Variants in CD163L1 observed in about 807,000 individuals in gnomAD.
CD163L1 encodes the protein CD163 molecule like 1.
In CD163L1, 124 loss-of-function variants were observed where a neutral mutation model predicts 165.4. That is an observed-to-expected ratio of 0.75 (90% CI 0.65 to 0.87). The LOEUF is 0.87. Ranked by LOEUF, CD163L1 falls within the 40% of genes least tolerant of loss-of-function variation. The pLI is 0.00. For synonymous variants in CD163L1, 585 were observed against 662.2 expected (o/e 0.88, Z 1.79); for missense variants, 1,525 against 1,799.9 (o/e 0.85, Z 2.76).
chr12:7,374,840 T>A lies in CD163L1; in HGVS notation c.3085A>T (p.Ile1029Phe), dbSNP rs758394280. ...AACTGATTCTGCTTACCTAAGCAGA[T>A]CAAAGCACTGCCCTCTGGAACTGCA... ...LSAVPEGSAL[I>F]CLEDKRLRLV... The change falls in exon 12 of 20, where the codon ATC becomes TTC. Residue 1029 changes from isoleucine to phenylalanine, a missense_variant. Coordinates refer to ENST00000313599, the MANE Select transcript of CD163L1 (RefSeq NM_174941.6). The surrounding 1 kb of genome is among the most constrained non-coding windows in gnomAD (Gnocchi z 5.4). 21 of 1,614,142 alleles carry A rather than the reference T, an allele frequency of 1.3e-5. No homozygotes were observed. Among genetic ancestry groups the A allele is most frequent in the Non-Finnish European group, 1.7e-5 (20 of 1,179,982 alleles).
chr12:7,433,466 T>C lies in CD163L1; in HGVS notation c.353A>G (p.Tyr118Cys), dbSNP rs1419039428. 4.3e-6 allele frequency: 7 copies of C among 1,614,108 alleles called. No homozygotes were observed. The highest frequency in any genetic ancestry group is 5.9e-6 in the Non-Finnish European group (7 of 1,179,974). ...GKIWLDDVSC[Y>C]GNESALWECQ... ...TTCCCAGAGAGCTGACTCATTTCCATAACAGGAAACATCATCAAGCCAAAT... is the reference window on the plus strand; with the variant it reads ...TTCCCAGAGAGCTGACTCATTTCCACAACAGGAAACATCATCAAGCCAAAT... The change falls in exon 3 of 20, where the codon TAT becomes TGT. Residue 118 changes from tyrosine (Y) to cysteine (C), a missense_variant. Transcript: ENST00000313599.
At chr12:7,378,419 A>G (rs1947316417) in intron 9 of CD163L1, among the ~76,000 whole-genome samples, 1 of 152,150 alleles carries the variant, frequency 6.6e-6, no homozygotes. Context: ...CATGCTTACA[A>G]CCTTCAATGA....
chr12:7,392,425 G>A (rs1947676436), intron 8 of CD163L1, among the ~76,000 whole-genome samples: 1 of 152,056 alleles, frequency 6.6e-6, no homozygotes, highest in Admixed American at 6.6e-5. Context: ...ATTTAAAGCA[G>A]TGTGTAGAGG....
chr12:7,320,744 T>C, the CD163L1 span: 1 of 1,613,732 alleles, frequency 6.2e-7, no homozygotes, highest in Non-Finnish European at 8.5e-7. Flanking sequence ...ACTTATCCCA[T>C]CACGACCCTG....
chr12:7,421,434 T>C lies in CD163L1; in HGVS notation c.766+10982A>G, dbSNP rs1342424153. 2.5e-5 allele frequency among the ~76,000 whole-genome samples: 3 copies of C among 119,244 alleles called. No individual in the cohort carries two copies. The South Asian group carries it at 7.9e-4, about 32-fold the overall frequency. 78.2% of individuals were successfully genotyped at this position (119,244 alleles called of 152,430 possible). On this transcript the variant is annotated intron_variant, in intron 4 of 19. Coordinates refer to ENST00000313599, the MANE Select transcript of CD163L1 (RefSeq NM_174941.6). ...AAATGTATATATACATATATGTACA[T>C]ATATACATATACATATATGTACATA...
the CD163L1 span, among the ~76,000 whole-genome samples, chr12:7,337,176 G>A: frequency 1.6e-4 from 25 of 152,284 alleles, no homozygotes; most frequent in Non-Finnish European, 3.5e-4. Flanking sequence ...TCTCAAGATG[G>A]ATTAAAGACT....
the CD163L1 span, among the ~76,000 whole-genome samples, chr12:7,334,136 T>G: frequency 7.3e-5 from 11 of 151,454 alleles, no homozygotes; most frequent in Non-Finnish European, 7.4e-5. Context: ...CCTAACTCAT[T>G]TTATGAGGCC....
Position 7,375,714 on chromosome 12 carries a change from C to A in CD163L1, c.2672G>T (p.Gly891Val), listed in dbSNP as rs762633770. The change falls in exon 10 of 20, where the codon GGA becomes GTA. Residue 891 changes from glycine (G) to valine (V), a missense_variant. Physicochemically the swap from Gly to Val is moderately radical, Grantham distance 109. Coordinates refer to ENST00000313599, the MANE Select transcript of CD163L1 (RefSeq NM_174941.6). Reference sequence around the variant, plus strand: ...AAAAATCTCACGGGAACAGACAACTCCAACTTCTCTGCTGTGGATACAAGT... The same window carrying A: ...AAAAATCTCACGGGAACAGACAACTACAACTTCTCTGCTGTGGATACAAGT... ...EDTCIHSREV[G>V]VVCSRYTDVR... 6.2e-7 allele frequency: 1 copy of A among 1,614,120 alleles called. No individual in the cohort carries two copies. The highest frequency in any genetic ancestry group is 1.1e-5 in the South Asian group (1 of 91,078).
the CD163L1 span, chr12:7,328,807 C>A: frequency 6.5e-6 from 1 of 153,510 alleles, no homozygotes; most frequent in Non-Finnish European, 1.4e-5. Context: ...ATAAATAATT[C>A]AAAAATTAGC....
chr12:7,358,038 A>G (rs1045749156), intron 18 of CD163L1, among the ~76,000 whole-genome samples: 5 of 152,134 alleles, frequency 3.3e-5, no homozygotes, highest in Non-Finnish European at 7.4e-5. Flanking sequence ...TCGCATAACA[A>G]GAAAAAAGGT....
At chr12:7,370,317 CT>C (rs1363232771) in intron 14 of CD163L1, among the ~76,000 whole-genome samples, 1 of 152,154 alleles carries the variant, frequency 6.6e-6, no homozygotes, top group Non-Finnish European at 1.5e-5. Flanking sequence ...TCATTTTAAA[CT>C]TGCTGCCAAA....
At chr12:7,407,293 C>A (rs1160137395) in intron 4 of CD163L1, among the ~76,000 whole-genome samples, 1 of 152,028 alleles carries the variant, frequency 6.6e-6, no homozygotes, top group African/African-American at 2.4e-5. Flanking sequence ...TTTCCTATTT[C>A]AAAAATTTTT....
chr12:7,416,264 A>T (rs1948237538), intron 4 of CD163L1, among the ~76,000 whole-genome samples: 1 of 152,024 alleles, frequency 6.6e-6, no homozygotes, highest in African/African-American at 2.4e-5. Context: ...CCACTTTTTG[A>T]TGGGCTGGTT....
At chr12:7,350,958 C>G (rs760254298), downstream of CD163L1, among the ~76,000 whole-genome samples, 13 of 151,980 alleles carry the variant, frequency 8.6e-5, no homozygotes, top group Non-Finnish European at 1.3e-4. Context: ...GTACAATTAT[C>G]AAACAAAAAT....
chr12:7,358,009 TG>T (rs1453829778), intron 18 of CD163L1, among the ~76,000 whole-genome samples: 4 of 152,108 alleles, frequency 2.6e-5, no homozygotes, highest in Admixed American at 1.3e-4. Flanking sequence ...GTAAGAAGCT[TG>T]GGAGTCATTA....
Position 7,398,855 on chromosome 12 carries a change from G to T in CD163L1, c.1409-271C>A, listed in dbSNP as rs972206625. Among the ~76,000 whole-genome samples, 12 of 152,152 alleles carry T rather than the reference G, an allele frequency of 7.9e-5. No homozygotes were observed. The highest frequency in any genetic ancestry group is 2.9e-4 in the African/African-American group (12 of 41,456). On this transcript the variant is annotated intron_variant, in intron 6 of 19. Transcript: ENST00000313599. The surrounding 1 kb of genome is among the most constrained non-coding windows in gnomAD (Gnocchi z 4.5). ...TGAAGCCTCCAAGAATGACGGATTT[G>T]GATAAGATGAGCAACGTGGAAGCAT...
chr12:7,380,299 G>GTATACATACATGTATGTA lies in CD163L1; in HGVS notation c.2051-1002_2051-1001insTACATACATGTATGTATA, dbSNP rs1565784031. Among the ~76,000 whole-genome samples the GTATACATACATGTATGTA allele has an allele frequency of 1.4e-3, 74 of 51,774 alleles. No homozygotes were observed. The East Asian group carries it at 0.024, about 17-fold the overall frequency. The allele number at this position is 51,774 out of a possible 152,430, so 34.0% of individuals were successfully genotyped here. A position where few individuals can be genotyped will look rare whatever the true frequency, so the allele number is the denominator to read the frequency against. On this transcript the variant is annotated intron_variant, in intron 8 of 19. Coordinates refer to ENST00000313599, the MANE Select transcript of CD163L1 (RefSeq NM_174941.6). ...GGTGTGTGTGTGTGTGTGTGTGTGT[G>GTATACATACATGTATGTA]TGTATACACATATACATACATATAT...
At chr12:7,360,769 C>A (rs942491283) in intron 18 of CD163L1, among the ~76,000 whole-genome samples, 3 of 152,088 alleles carry the variant, frequency 2.0e-5, no homozygotes, top group African/African-American at 7.2e-5. Context: ...GATAATCCAA[C>A]CTCTGTTTAA....
chr12:7,380,950 AG>A (rs917854198), intron 8 of CD163L1, among the ~76,000 whole-genome samples: 45 of 152,246 alleles, frequency 3.0e-4, no homozygotes, highest in African/African-American at 9.9e-4. Flanking sequence ...GGTAGCTTTG[AG>A]TGTGCTGTGG....
Sources: gnomAD v4.1 joint callset for allele counts (sites outside exome capture counted in the v4.1 genomes callset) on GRCh38, gnomAD v4.1.1 for gene constraint, Gnocchi (gnomAD v3.1) non-coding constraint, MANE v1.5 for transcripts, NCBI Gene and HGNC (gene_info 2026-07-23, HGNC 2026-07-21) for gene names.